LITAF: variants seen among roughly 807,000 people sequenced by gnomAD.
LITAF encodes the protein lipopolysaccharide-induced tumor necrosis factor-alpha factor.
In LITAF, 9 loss-of-function variants were observed where a neutral mutation model predicts 14.5. The ratio of observed to expected loss-of-function variants is 0.62; its 90% confidence interval spans 0.37 to 1.08. LITAF has a LOEUF of 1.08. Ranked by LOEUF, LITAF falls within the 50% of genes least tolerant of loss-of-function variation. The pLI is 0.01. For missense variants in LITAF, 206 were observed against 213.4 expected (o/e 0.97, Z 0.22); for synonymous variants, 98 against 88.2 (o/e 1.11, Z -0.62).
intron 2 of LITAF, among the ~76,000 whole-genome samples, chr16:11,556,088 G>A (rs2064263078): frequency 6.6e-6 from 1 of 152,186 alleles, no homozygotes; most frequent in Non-Finnish European, 1.5e-5. Flanking sequence ...CATTGAGGGT[G>A]AGCTGGTATG....
intron 1 of LITAF, among the ~76,000 whole-genome samples, chr16:11,597,269 T>C (rs1156753019): frequency 6.6e-6 from 1 of 152,150 alleles, no homozygotes; most frequent in Non-Finnish European, 1.5e-5. Flanking sequence ...CTCTTCCTTG[T>C]AGCCTCCAGG....
At chr16:11,582,284 C>A (rs1334641348) in intron 1 of LITAF, among the ~76,000 whole-genome samples, 5 of 93,078 alleles carry the variant, frequency 5.4e-5, no homozygotes, top group Admixed American at 2.7e-4. Flanking sequence ...AAAACAAGAG[C>A]AAGATATAGT....
intron 3 of LITAF, among the ~76,000 whole-genome samples, chr16:11,619,676 C>T (rs1002153186): frequency 1.3e-5 from 2 of 151,968 alleles, no homozygotes; most frequent in African/African-American, 4.8e-5. Flanking sequence ...AAACCACCAT[C>T]CTGCCTCAGC....
At chr16:11,629,516 C>T (rs1381891507) in intron 3 of LITAF, among the ~76,000 whole-genome samples, 4 of 143,800 alleles carry the variant, frequency 2.8e-5, no homozygotes, top group South Asian at 5.1e-4. Flanking sequence ...CTCGGCCAGT[C>T]GGTCCTTCTG....
intron 3 of LITAF, among the ~76,000 whole-genome samples, chr16:11,633,047 A>G (rs900849389): frequency 1.3e-5 from 2 of 152,156 alleles, no homozygotes; most frequent in African/African-American, 4.8e-5. Context: ...GGGCCTGGGA[A>G]AGGAGGTCTC....
chr16:11,593,836 A>C (rs1202153031), intron 1 of LITAF, among the ~76,000 whole-genome samples: 1 of 152,172 alleles, frequency 6.6e-6, no homozygotes, highest in Admixed American at 6.6e-5. Context: ...TGCTGAAAGG[A>C]TTGGGGGGTG....
At chr16:11,581,627 T>A (rs1390735441) in intron 1 of LITAF, among the ~76,000 whole-genome samples, 1 of 152,082 alleles carries the variant, frequency 6.6e-6, no homozygotes, top group Non-Finnish European at 1.5e-5. Flanking sequence ...TCAAAAAATA[T>A]ATAAGTAAAT....
intron 1 of LITAF, among the ~76,000 whole-genome samples, chr16:11,560,814 C>T (rs1485341212): frequency 6.6e-6 from 1 of 152,112 alleles, no homozygotes; most frequent in Non-Finnish European, 1.5e-5. Flanking sequence ...GTAATGAGAT[C>T]GCAGGAGGTG....
intron 1 of LITAF, among the ~76,000 whole-genome samples, chr16:11,581,708 T>C (rs553149157): frequency 5.9e-5 from 9 of 152,042 alleles, no homozygotes; most frequent in Non-Finnish European, 1.3e-4. Context: ...TTCTAACTGA[T>C]GAGGTGAAAA....
rs972988146 is a variant in LITAF at position 11,553,400 on chromosome 16, G to A, written c.377+133C>T. ...TACTCCAGCCTGGGCGACAGAACCA[G>A]ATTCCATCTCAAAAAAAAACAACAC... is the stretch of plus-strand genomic sequence containing the variant. On this transcript the variant is annotated intron_variant, in intron 3 of 3. Coordinates refer to ENST00000622633, the MANE Select transcript of LITAF (RefSeq NM_001136472.2). The surrounding 1 kb of genome is among the most constrained non-coding windows in gnomAD (Gnocchi z 7.7). The A allele has an allele frequency of 2.0e-6, 2 of 1,009,410 alleles. No homozygotes were observed. The highest frequency in any genetic ancestry group is 3.2e-5 in the African/African-American group (2 of 62,638). The allele number at this position is 1,009,410 out of a possible 1,614,324, so 62.5% of individuals were successfully genotyped here.
chr16:11,571,493 C>T (rs1431544985), intron 1 of LITAF, among the ~76,000 whole-genome samples: 2 of 152,180 alleles, frequency 1.3e-5, no homozygotes, highest in African/African-American at 4.8e-5. Flanking sequence ...TCCATCCACC[C>T]TCATAGCTGG....
intron 2 of LITAF, among the ~76,000 whole-genome samples, chr16:11,554,332 G>C (rs543206471): frequency 6.6e-6 from 1 of 152,282 alleles, no homozygotes; most frequent in East Asian, 1.9e-4. Context: ...AACTCTGACA[G>C]CCAATGATAA....
chr16:11,606,279 C>A (rs2064954599), intron 3 of LITAF, among the ~76,000 whole-genome samples: 2 of 151,904 alleles, frequency 1.3e-5, no homozygotes, highest in Admixed American at 1.3e-4. Flanking sequence ...AGCCATCTGC[C>A]CACCTCAGCC....
intron 1 of LITAF, among the ~76,000 whole-genome samples, chr16:11,574,728 G>C (rs191794624): frequency 3.4e-4 from 52 of 152,184 alleles, no homozygotes; most frequent in Non-Finnish European, 3.5e-4. Context: ...TTGGTAAGAA[G>C]ACGTTCCCTT....
At chr16:11,601,424 T>C (rs377740748), upstream of LITAF, among the ~76,000 whole-genome samples, 1 of 152,114 alleles carries the variant, frequency 6.6e-6, no homozygotes. Context: ...TTTTCTTCTC[T>C]CTCTTGGCCA....
At chr16:11,569,275 C>G (rs559320350) in intron 1 of LITAF, among the ~76,000 whole-genome samples, 2 of 152,280 alleles carry the variant, frequency 1.3e-5, no homozygotes, top group African/African-American at 4.8e-5. Flanking sequence ...GAATCTCACT[C>G]TATTGCACAG....
intron 3 of LITAF, among the ~76,000 whole-genome samples, chr16:11,611,495 T>C (rs1338034455): frequency 1.3e-5 from 2 of 152,178 alleles, no homozygotes; most frequent in Non-Finnish European, 2.9e-5. Flanking sequence ...GCATCCTGCA[T>C]TTTTATTTAC....
intron 1 of LITAF, among the ~76,000 whole-genome samples, chr16:11,568,422 C>A (rs2064489932): frequency 6.6e-6 from 1 of 152,166 alleles, no homozygotes; most frequent in Admixed American, 6.6e-5. Context: ...CCACGCTCAT[C>A]ACCTGGTCCT....
intron 1 of LITAF, among the ~76,000 whole-genome samples, chr16:11,578,120 A>C (rs2064670244): frequency 6.6e-6 from 1 of 151,908 alleles, no homozygotes; most frequent in Non-Finnish European, 1.5e-5. Flanking sequence ...GCCGGTCTTA[A>C]ACTCGTGGGT....
Sources: allele counts gnomAD v4.1 joint callset (sites outside exome capture counted in the v4.1 genomes callset), GRCh38; gene constraint gnomAD v4.1.1; non-coding constraint Gnocchi (gnomAD v3.1); transcripts MANE v1.5; gene names NCBI Gene and HGNC (gene_info 2026-07-23, HGNC 2026-07-21).